Variants in OSBP observed in about 807,000 individuals in gnomAD.
OSBP encodes the protein oxysterol-binding protein 1.
In OSBP, 32 loss-of-function variants were observed where a neutral mutation model predicts 96.6. The observed-to-expected ratio is 0.33, with a 90% confidence interval of 0.25 to 0.45. The LOEUF (loss-of-function observed/expected upper bound fraction) is 0.45. Among genes scored for constraint, OSBP ranks in the 20% least tolerant of loss-of-function variants. The pLI is 1.00. For missense variants in OSBP, 653 were observed against 1,029.7 expected (o/e 0.63, Z 5.01); for synonymous variants, 369 against 389.6 (o/e 0.95, Z 0.62).
chr11:59,577,201 A>T (rs1860370929), intron 12 of OSBP, among the ~76,000 whole-genome samples, 176 bp from the exon 13 acceptor site: 1 of 152,086 alleles, frequency 6.6e-6, no homozygotes, highest in Non-Finnish European at 1.5e-5. Context: ...GACAAATTGG[A>T]TCCCTCCCCA....
At chr11:59,577,142 G>C in intron 12 of OSBP, 117 bp from the exon 13 acceptor site, 2 of 809,382 alleles carry the variant, frequency 2.5e-6, no homozygotes, top group South Asian at 3.5e-5. Flanking sequence ...ACAAAAACAG[G>C]ATCTGTGAAA....
At chr11:59,610,783 T>A (rs1218455383) in intron 1 of OSBP, among the ~76,000 whole-genome samples, 194 bp from the exon 2 acceptor site, 1 of 151,978 alleles carries the variant, frequency 6.6e-6, no homozygotes, top group South Asian at 2.1e-4. Flanking sequence ...CCTATAAGTG[T>A]TGTTTCTGAG....
In OSBP at chr11:59,575,853, T is replaced by A. The variant is rs1860355279; in HGVS notation, c.*724A>T. On this transcript the variant is annotated 3_prime_UTR_variant, in exon 14 of 14. Transcript: ENST00000263847. ...CCATAAAACCCCTTTGTGAGGAGAA[T>A]GCACCCCCTTACCAATGACCAAAGT... 6.6e-6 allele frequency: 1 copy of A among 152,160 alleles called. No individual in the cohort carries two copies. The highest frequency in any genetic ancestry group is 2.4e-5 in the African/African-American group (1 of 41,438). 9.4% of individuals were successfully genotyped at this position (152,160 alleles called of 1,614,324 possible).
Position 59,606,971 on chromosome 11 carries a change from C to G in OSBP, c.822+1513G>C, listed in dbSNP as rs117998056. On this transcript the variant is annotated intron_variant, in intron 3 of 13. Coordinates refer to ENST00000263847, the MANE Select transcript of OSBP (RefSeq NM_002556.3). ...GAGATCATTCCCTTTAACACAAACTCTGGACACTTAGAACTTAGGGAAGAA... is the reference window on the plus strand; with the variant it reads ...GAGATCATTCCCTTTAACACAAACTGTGGACACTTAGAACTTAGGGAAGAA... Among the ~76,000 whole-genome samples, 861 of 152,210 alleles carry G rather than the reference C, an allele frequency of 5.7e-3. 2 individuals are homozygous for G. Among genetic ancestry groups the G allele is most frequent in the Middle Eastern group, 0.02 (6 of 294 alleles).
intron 9 of OSBP, among the ~76,000 whole-genome samples, chr11:59,585,595 C>T (rs557926724): frequency 2.3e-4 from 35 of 152,008 alleles, no homozygotes; most frequent in Non-Finnish European, 1.8e-4. Context: ...AGGTGAGGGG[C>T]GCCTCTGCCC....
intron 9 of OSBP, among the ~76,000 whole-genome samples, chr11:59,585,532 G>A (rs1376390018): frequency 5.9e-5 from 9 of 151,332 alleles, no homozygotes; most frequent in Non-Finnish European, 1.2e-4. Flanking sequence ...CACCCCGTCC[G>A]GGAGGGAGGT....
At chr11:59,605,740 T>C (rs1392914983) in intron 3 of OSBP, among the ~76,000 whole-genome samples, 1 of 152,234 alleles carries the variant, frequency 6.6e-6, no homozygotes, top group East Asian at 1.9e-4. Flanking sequence ...GACAATCATA[T>C]GTCAGGCACT....
At chr11:59,585,094 C>T (rs1457947046) in intron 9 of OSBP, among the ~76,000 whole-genome samples, 1 of 151,656 alleles carries the variant, frequency 6.6e-6, no homozygotes, top group Non-Finnish European at 1.5e-5. Context: ...TGCCTGGCTG[C>T]CCATCGTCTG....
In OSBP at chr11:59,580,204, A is replaced by G. The variant is rs1860404764; in HGVS notation, c.1848T>C (p.Tyr616=). The G allele has an allele frequency of 1.9e-6, 3 of 1,611,876 alleles. No individual in the cohort carries two copies. The highest frequency in any genetic ancestry group is 1.3e-5 in the African/African-American group (1 of 75,020). Residue 616 remains tyrosine, a synonymous_variant, in exon 11 of 14, where the codon TAT becomes TAC. Coordinates refer to ENST00000263847, the MANE Select transcript of OSBP (RefSeq NM_002556.3). ...GDKCNLKFVP[Y]SYFSRDVARK... ...TTGCTACATCCCGAGAGAAGTAGCTATAAGGAACAAATTTAAGATTACACT... is the reference window on the plus strand; with the variant it reads ...TTGCTACATCCCGAGAGAAGTAGCTGTAAGGAACAAATTTAAGATTACACT...
Position 59,574,413 on chromosome 11 carries a change from TATTTA to T in OSBP, c.*2159_*2163del, listed in dbSNP as rs1301431631. On this transcript the variant is annotated 3_prime_UTR_variant, in exon 14 of 14. Coordinates refer to ENST00000263847, the MANE Select transcript of OSBP (RefSeq NM_002556.3). Reference sequence around the variant, plus strand: ...ACAAACAATATGACTTTTAAAAAATTATTTAATTTAGTAGTTTTTTTTTTTTGGAA... The same window carrying T: ...ACAAACAATATGACTTTTAAAAAATTATTTAGTAGTTTTTTTTTTTTGGAA... 2 of 151,914 alleles carry T rather than the reference TATTTA, an allele frequency of 1.3e-5. No homozygotes were observed. The highest frequency in any genetic ancestry group is 2.4e-5 in the African/African-American group (1 of 41,008). 9.4% of individuals were successfully genotyped at this position (151,914 alleles called of 1,614,324 possible).
chr11:59,578,037 C>G (rs938190588), intron 12 of OSBP, 112 bp downstream of exon 12: 1 of 960,810 alleles, frequency 1.0e-6, no homozygotes, highest in East Asian at 2.4e-5. Flanking sequence ...TCTCAATTTC[C>G]CTTGCTCAAT....
rs542018965 is a variant in OSBP, at chr11:59,608,259, G to A, written c.822+225C>T. ...AGGAACCCTGGACTCCTGATTCCCA[G>A]CTGCAGCAAAGACCTCCTGATCACT... On this transcript the variant is annotated intron_variant, in intron 3 of 13. Transcript: ENST00000263847. Among the ~76,000 whole-genome samples the A allele has an allele frequency of 5.3e-5, 8 of 152,186 alleles. No homozygotes were observed. In the South Asian group the frequency reaches 1.7e-3, roughly 32 times the overall value.
intron 9 of OSBP, among the ~76,000 whole-genome samples, chr11:59,591,393 T>C (rs1174852694): frequency 6.6e-6 from 1 of 152,172 alleles, no homozygotes; most frequent in African/African-American, 2.4e-5. Flanking sequence ...TTGTGAGAGA[T>C]TGGTTCCAGA....
chr11:59,582,414 A>G (rs970108824), intron 9 of OSBP, among the ~76,000 whole-genome samples: 2 of 152,164 alleles, frequency 1.3e-5, no homozygotes, highest in African/African-American at 4.8e-5. Context: ...GTTGGTGAAT[A>G]GATCAGTGTG....
chr11:59,610,339 G>T, intron 2 of OSBP, 42 bp downstream of exon 2: 2 of 1,543,566 alleles, frequency 1.3e-6, no homozygotes, highest in Non-Finnish European at 1.8e-6. Flanking sequence ...CATAAAAGGG[G>T]CAAAAAGAAA....
chr11:59,594,309 G>A (rs1860621600), intron 7 of OSBP, 54 bp from the exon 8 acceptor site: 4 of 1,565,522 alleles, frequency 2.6e-6, no homozygotes, highest in Non-Finnish European at 3.5e-6. Flanking sequence ...ATAAGAGACA[G>A]TTTAATTTTT....
chr11:59,579,390 A>G (rs1354834570), intron 11 of OSBP, among the ~76,000 whole-genome samples: 1 of 149,998 alleles, frequency 6.7e-6, no homozygotes, highest in African/African-American at 2.5e-5. Flanking sequence ...CTGGAGTGCA[A>G]TGGCGTGATC....
chr11:59,604,861 A>AAAAAAG (rs1554980979), intron 3 of OSBP, among the ~76,000 whole-genome samples: 39 of 150,758 alleles, frequency 2.6e-4, no homozygotes, highest in African/African-American at 9.1e-4. Flanking sequence ...TCTCTAAAAA[A>AAAAAAG]AAAAGAAAAA....
chr11:59,587,448 G>A (rs1860513831), intron 9 of OSBP, among the ~76,000 whole-genome samples: 1 of 151,556 alleles, frequency 6.6e-6, no homozygotes, highest in African/African-American at 2.4e-5. Flanking sequence ...GTTGCAGTGA[G>A]CCAAGACTGC....
Sources: gnomAD v4.1 joint callset for allele counts (sites outside exome capture counted in the v4.1 genomes callset) on GRCh38, gnomAD v4.1.1 for gene constraint, MANE v1.5 for transcripts, NCBI Gene and HGNC (gene_info 2026-07-23, HGNC 2026-07-21) for gene names.